The following KCNQ5 variants were observed in gnomAD, a reference collection of about 807,000 sequenced individuals.
The protein encoded by KCNQ5 is potassium voltage-gated channel subfamily Q member 5.
Under a neutral mutation model 98.2 loss-of-function variants are expected in KCNQ5, and 30 were observed. The ratio of observed to expected loss-of-function variants is 0.31; its 90% CI spans 0.23 to 0.41. KCNQ5 has a LOEUF of 0.41. KCNQ5 is among the 10% of genes least tolerant of loss of function. KCNQ5 has a pLI of 1.00. For synonymous variants in KCNQ5, 458 were observed against 449.4 expected (o/e 1.02, Z -0.24); for missense variants, 835 against 1,182.5 (o/e 0.71, Z 4.31).
intron 3 of KCNQ5, among the ~76,000 whole-genome samples, chr6:73,074,831 C>T (rs1773457582): frequency 6.6e-6 from 1 of 151,084 alleles, no homozygotes; most frequent in South Asian, 2.1e-4. Context: ...TTTTCTGCAC[C>T]CCTACTAGCC....
intron 11 of KCNQ5, among the ~76,000 whole-genome samples, chr6:73,184,905 C>T (rs901422284): frequency 1.3e-5 from 2 of 152,160 alleles, no homozygotes; most frequent in Non-Finnish European, 2.9e-5. Context: ...GGGGGGAATT[C>T]TCACCATTCA....
intron 1 of KCNQ5, among the ~76,000 whole-genome samples, chr6:72,643,307 A>G (rs1181586354): frequency 6.6e-6 from 1 of 152,106 alleles, no homozygotes; most frequent in Non-Finnish European, 1.5e-5. Flanking sequence ...TTTGTACACA[A>G]ACACAGAGCA....
rs568324568 is a variant in KCNQ5, at chr6:72,664,706, G to A, written c.398+42119G>A. On this transcript the variant is annotated intron_variant, in intron 1 of 13. Transcript: ENST00000370398. Reference sequence around the variant, plus strand: ...AAACAAACAAACAAAAAACACAAAAGCTATATAAGAGAAGCAGGGAAAATA... The same window carrying A: ...AAACAAACAAACAAAAAACACAAAAACTATATAAGAGAAGCAGGGAAAATA... Among the ~76,000 whole-genome samples the A allele has an allele frequency of 5.9e-5, 9 of 151,902 alleles. No individual in the cohort carries two copies. In the East Asian group the frequency reaches 1.7e-3, roughly 29 times the overall value.
chr6:72,754,159 A>AAGC (rs1207397886), intron 1 of KCNQ5, among the ~76,000 whole-genome samples: 2 of 152,116 alleles, frequency 1.3e-5, no homozygotes, highest in African/African-American at 4.8e-5. Context: ...CTTATAGGTT[A>AAGC]ACTTAAGGTG....
intron 1 of KCNQ5, among the ~76,000 whole-genome samples, chr6:72,887,541 G>A (rs1778892522): frequency 6.6e-6 from 1 of 152,102 alleles, no homozygotes; most frequent in Non-Finnish European, 1.5e-5. Flanking sequence ...CTAAACAAAT[G>A]TTGACTACAA....
intron 1 of KCNQ5, among the ~76,000 whole-genome samples, chr6:72,849,119 C>CAT (rs1261149716): frequency 9.6e-5 from 10 of 104,158 alleles, no homozygotes; most frequent in Non-Finnish European, 1.8e-5. Context: ...TACACATACA[C>CAT]ACACACACAC....
At chr6:73,008,603 A>C (rs868824357) in intron 2 of KCNQ5, among the ~76,000 whole-genome samples, 25 of 152,174 alleles carry the variant, frequency 1.6e-4, no homozygotes, top group African/African-American at 6.0e-4. Flanking sequence ...CAGGTAATAA[A>C]ATACATGAAG....
intron 1 of KCNQ5, among the ~76,000 whole-genome samples, chr6:72,729,255 G>GA (rs1487308161): frequency 6.6e-6 from 1 of 152,140 alleles, no homozygotes; most frequent in Admixed American, 6.5e-5. Flanking sequence ...ATATTTGTAA[G>GA]AAAAAAATTA....
At chr6:72,935,263 G>T (rs919767728) in intron 1 of KCNQ5, among the ~76,000 whole-genome samples, 2 of 151,724 alleles carry the variant, frequency 1.3e-5, no homozygotes, top group Non-Finnish European at 2.9e-5. Context: ...TAGAGATGGG[G>T]TTTCACCACG....
At chr6:72,628,600 A>ATCTT (rs1013199884) in intron 1 of KCNQ5, among the ~76,000 whole-genome samples, 5 of 151,918 alleles carry the variant, frequency 3.3e-5, no homozygotes, top group Non-Finnish European at 7.4e-5. Flanking sequence ...AGCCAAAGTT[A>ATCTT]TCTTTCTTTC....
At chr6:73,064,201 T>C (rs904918854) in intron 3 of KCNQ5, among the ~76,000 whole-genome samples, 4 of 152,206 alleles carry the variant, frequency 2.6e-5, no homozygotes, top group African/African-American at 9.6e-5. Flanking sequence ...TTAATCATAA[T>C]CTGTATGTCA....
At chr6:72,934,542 G>A (rs1765821231) in intron 1 of KCNQ5, among the ~76,000 whole-genome samples, 1 of 152,158 alleles carries the variant, frequency 6.6e-6, no homozygotes, top group South Asian at 2.1e-4. Flanking sequence ...ATTATTTAGT[G>A]ACAATGAGAT....
chr6:72,686,824 G>C (rs894475376), intron 1 of KCNQ5, among the ~76,000 whole-genome samples: 1 of 129,058 alleles, frequency 7.7e-6, no homozygotes, highest in Admixed American at 8.1e-5. Flanking sequence ...TTATTGTTTT[G>C]TTCCTTCTTT....
At chr6:72,915,567 T>C (rs1205944999) in intron 1 of KCNQ5, among the ~76,000 whole-genome samples, 1 of 152,184 alleles carries the variant, frequency 6.6e-6, no homozygotes, top group Non-Finnish European at 1.5e-5. Flanking sequence ...ATCTTAAATA[T>C]TTAAATTTTA....
chr6:73,109,049 G>A (rs1775119574), intron 6 of KCNQ5, among the ~76,000 whole-genome samples: 1 of 152,138 alleles, frequency 6.6e-6, no homozygotes, highest in Non-Finnish European at 1.5e-5. Context: ...ACAGACTTCT[G>A]TTTAGGTGCA....
At chr6:72,665,220 C>T (rs1183404336) in intron 1 of KCNQ5, among the ~76,000 whole-genome samples, 6 of 151,526 alleles carry the variant, frequency 4.0e-5, no homozygotes, top group African/African-American at 7.3e-5. Context: ...TGGTGGTGCA[C>T]GCCTGTAGTC....
chr6:73,154,835 T>G (rs1350705099), intron 10 of KCNQ5, among the ~76,000 whole-genome samples: 1 of 152,230 alleles, frequency 6.6e-6, no homozygotes, highest in African/African-American at 2.4e-5. Flanking sequence ...GTGGAAATTT[T>G]GGGTTTTTTT....
At chr6:72,978,782 C>A (rs1199839959) in intron 1 of KCNQ5, among the ~76,000 whole-genome samples, 1 of 152,202 alleles carries the variant, frequency 6.6e-6, no homozygotes, top group Non-Finnish European at 1.5e-5. Flanking sequence ...CACCCATTAA[C>A]TCGTCATTTA....
At chr6:72,893,572 C>T (rs1424562928) in intron 1 of KCNQ5, among the ~76,000 whole-genome samples, 1 of 152,098 alleles carries the variant, frequency 6.6e-6, no homozygotes, top group Non-Finnish European at 1.5e-5. Flanking sequence ...AAATATTGTA[C>T]TGTTTTCTTT....
Sources: gnomAD v4.1 joint callset for allele counts (sites outside exome capture counted in the v4.1 genomes callset) on GRCh38, gnomAD v4.1.1 for gene constraint, MANE v1.5 for transcripts, NCBI Gene and HGNC (gene_info 2026-07-23, HGNC 2026-07-21) for gene names.